RUNDC3B: variants seen among roughly 807,000 people sequenced by gnomAD.
RUNDC3B encodes the protein RUN domain containing 3B, also known as RUN domain-containing protein 3B.
Under a neutral mutation model 58.4 loss-of-function variants are expected in RUNDC3B, and 33 were observed. The observed-to-expected ratio is 0.56, with a 90% CI of 0.43 to 0.75. The LOEUF is 0.75. Among genes scored for constraint, RUNDC3B ranks in the 30% least tolerant of loss-of-function variants. The pLI is 0.00. For synonymous variants in RUNDC3B, 193 were observed against 195.2 expected (o/e 0.99, Z 0.10); for missense variants, 501 against 535.7 (o/e 0.94, Z 0.64).
At chr7:87,761,718 A>G (rs1181345420) in intron 6 of RUNDC3B, among the ~76,000 whole-genome samples, 1 of 151,876 alleles carries the variant, frequency 6.6e-6, no homozygotes, top group Non-Finnish European at 1.5e-5. Context: ...CAAACACAAA[A>G]GCCACATATT....
At chr7:87,656,875 A>G (rs1824155429) in intron 2 of RUNDC3B, among the ~76,000 whole-genome samples, 1 of 152,116 alleles carries the variant, frequency 6.6e-6, no homozygotes, top group Admixed American at 6.6e-5. Context: ...TTTTTCATTT[A>G]TTTATTCAAT....
intron 8 of RUNDC3B, among the ~76,000 whole-genome samples, chr7:87,802,642 A>C (rs1199835783): frequency 6.6e-6 from 1 of 152,248 alleles, no homozygotes; most frequent in African/African-American, 2.4e-5. Flanking sequence ...TGATTATTAC[A>C]TGCCTCTGTC....
intron 3 of RUNDC3B, among the ~76,000 whole-genome samples, chr7:87,706,661 C>G (rs1829619288): frequency 6.6e-6 from 1 of 152,166 alleles, no homozygotes; most frequent in African/African-American, 2.4e-5. Context: ...AGTTGTTTGT[C>G]TATTCACATC....
intron 1 of RUNDC3B, among the ~76,000 whole-genome samples, chr7:87,631,885 C>A (rs1208950870): frequency 6.6e-6 from 1 of 152,020 alleles, no homozygotes; most frequent in African/African-American, 2.4e-5. Context: ...TCATTGTTAA[C>A]CTTCAATTAT....
intron 2 of RUNDC3B, chr7:87,693,957 A>G (rs200940747): frequency 1.2e-6 from 2 of 1,611,828 alleles, no homozygotes; most frequent in African/African-American, 1.3e-5. Context: ...TACCTCTTCA[A>G]GGTACTCTAT....
intron 8 of RUNDC3B, among the ~76,000 whole-genome samples, chr7:87,805,227 A>T (rs979786658): frequency 6.6e-6 from 1 of 152,198 alleles, no homozygotes; most frequent in African/African-American, 2.4e-5. Context: ...ACTCTAGTCA[A>T]GATTCAAAAA....
At chr7:87,774,330 A>G (rs1042241005) in intron 7 of RUNDC3B, among the ~76,000 whole-genome samples, 2 of 152,166 alleles carry the variant, frequency 1.3e-5, no homozygotes, top group African/African-American at 2.4e-5. Context: ...AGAGATAAGT[A>G]TCCAAGAAGT....
At chr7:87,750,695 T>C (rs1260789470) in intron 6 of RUNDC3B, among the ~76,000 whole-genome samples, 1 of 151,224 alleles carries the variant, frequency 6.6e-6, no homozygotes, top group African/African-American at 2.4e-5. Flanking sequence ...AAGTGTCTGT[T>C]CATGTCCTTC....
chr7:87,736,355 A>G (rs1425954109), intron 4 of RUNDC3B, among the ~76,000 whole-genome samples: 1 of 152,162 alleles, frequency 6.6e-6, no homozygotes, highest in East Asian at 1.9e-4. Flanking sequence ...TCCAGAGGAT[A>G]TTTGTTATTG....
At chr7:87,810,253 G>T (rs1278902252) in intron 9 of RUNDC3B, among the ~76,000 whole-genome samples, 1 of 152,176 alleles carries the variant, frequency 6.6e-6, no homozygotes, top group Non-Finnish European at 1.5e-5. Flanking sequence ...ACCAGAAAAG[G>T]TTCAGAGAGC....
At chr7:87,661,649 T>G (rs1824728547) in intron 2 of RUNDC3B, among the ~76,000 whole-genome samples, 1 of 152,016 alleles carries the variant, frequency 6.6e-6, no homozygotes, top group Non-Finnish European at 1.5e-5. Flanking sequence ...TTACCACATT[T>G]TCTTTATTCA....
chr7:87,801,334 A>C (rs1294959523), intron 8 of RUNDC3B, among the ~76,000 whole-genome samples: 1 of 152,234 alleles, frequency 6.6e-6, no homozygotes, highest in African/African-American at 2.4e-5. Context: ...GCAAAACATC[A>C]TGTGAGGAAG....
intron 8 of RUNDC3B, among the ~76,000 whole-genome samples, chr7:87,790,731 T>C (rs978162428): frequency 6.6e-6 from 1 of 151,822 alleles, no homozygotes; most frequent in African/African-American, 2.4e-5. Context: ...AATAGCAGAA[T>C]TGATCAAGCA....
At chr7:87,712,285 A>G (rs2130747869) in intron 4 of RUNDC3B, among the ~76,000 whole-genome samples, 1 of 152,248 alleles carries the variant, frequency 6.6e-6, no homozygotes, top group South Asian at 2.1e-4. Context: ...CAGTGAGATG[A>G]TGATAAAACC....
intron 10 of RUNDC3B, among the ~76,000 whole-genome samples, chr7:87,829,058 TTC>T (rs967472553): frequency 6.6e-6 from 1 of 152,166 alleles, no homozygotes; most frequent in African/African-American, 2.4e-5. Context: ...TGATTTGCGT[TTC>T]TCTGATGATT....
At chr7:87,723,183 G>A (rs1470386458) in intron 4 of RUNDC3B, among the ~76,000 whole-genome samples, 1 of 152,032 alleles carries the variant, frequency 6.6e-6, no homozygotes, top group African/African-American at 2.4e-5. Flanking sequence ...AAAGTGACCT[G>A]AATAGATAAA....
intron 7 of RUNDC3B, among the ~76,000 whole-genome samples, chr7:87,773,030 T>C (rs781718145): frequency 1.3e-5 from 2 of 150,730 alleles, no homozygotes; most frequent in African/African-American, 2.5e-5. Flanking sequence ...TTTTAAAAAG[T>C]AAGCATTCAC....
intron 1 of RUNDC3B, among the ~76,000 whole-genome samples, chr7:87,633,437 T>C (rs1381130770): frequency 6.6e-6 from 1 of 152,222 alleles, no homozygotes; most frequent in Non-Finnish European, 1.5e-5. Flanking sequence ...GTGGTTGCCC[T>C]TGGAGACTCT....
At chr7:87,725,922 A>C (rs535084744) in intron 4 of RUNDC3B, among the ~76,000 whole-genome samples, 79 of 152,196 alleles carry the variant, frequency 5.2e-4, no homozygotes, top group African/African-American at 1.9e-3. Context: ...TCCTTTGCCC[A>C]CTTTTTGTTG....
Sources: gnomAD v4.1 joint callset for allele counts (sites outside exome capture counted in the v4.1 genomes callset) on GRCh38, gnomAD v4.1.1 for gene constraint, MANE v1.5 for transcripts, NCBI Gene and HGNC (gene_info 2026-07-23, HGNC 2026-07-21) for gene names.